DLEC1: variants seen among roughly 807,000 people sequenced by gnomAD.
The protein encoded by DLEC1 is deleted in lung and esophageal cancer protein 1.
In DLEC1, 146 loss-of-function variants were observed where a neutral mutation model predicts 198.1. The observed-to-expected ratio is 0.74, with a 90% CI of 0.64 to 0.85. The LOEUF is 0.85. Ranked by LOEUF, DLEC1 falls within the 40% of genes least tolerant of loss-of-function variation. The pLI is 0.00. For synonymous variants in DLEC1, 897 were observed against 866.8 expected, an observed-to-expected ratio of 1.03 and a Z score of -0.61; for missense variants, 2,233 against 2,220.0, an observed-to-expected ratio of 1.01 and a Z score of -0.12.
At position 38,112,366 on chromosome 3, in the gene DLEC1, G is replaced by A; in HGVS notation, c.3666+5G>A. Reference sequence around the variant, plus strand: ...TGGGACAACCTCATCTGCACGGTAAGGGTACACAAGAGGGCAGTGGCCTGG... The same window carrying A: ...TGGGACAACCTCATCTGCACGGTAAAGGTACACAAGAGGGCAGTGGCCTGG... On this transcript the variant is annotated splice_donor_5th_base_variant and intron_variant, in intron 25 of 36. Transcript: ENST00000308059. This position sits in a 1 kb window ranked among gnomAD's most constrained non-coding sequence, Gnocchi z 4.8. 6.2e-7 allele frequency: 1 copy of A among 1,613,970 alleles called. No homozygotes were observed. Among genetic ancestry groups the A allele is most frequent in the South Asian group, 1.1e-5 (1 of 91,076 alleles).
chr3:38,084,560 A>AGTAGCAGTGATAGTAATAGTAGTGGTG (rs1698319375), intron 7 of DLEC1, among the ~76,000 whole-genome samples: 1 of 1,102 alleles, frequency 9.1e-4, no homozygotes, highest in Admixed American at 8.1e-3. Flanking sequence ...TGGTAGTAGT[A>AGTAGCAGTGATAGTAATAGTAGTGGTG]GTGGTAGTAG....
At position 38,039,614 on chromosome 3, in the gene DLEC1, A is replaced by T. The variant is rs1188253701; in HGVS notation, c.389A>T (p.Glu130Val). 2 of 1,608,464 alleles carry T rather than the reference A, an allele frequency of 1.2e-6. No homozygotes were observed. Among genetic ancestry groups the T allele is most frequent in the Admixed American group, 1.7e-5 (1 of 59,686 alleles). Residue 130 changes from glutamate (E) to valine (V), a missense_variant, in exon 1 of 37, where the codon GAG (glutamate) becomes GTG (valine). Glu to Val is a moderately radical substitution (Grantham distance 121). Transcript: ENST00000308059. ...ARGSENERHE[E>V]FVDQLQQIRE... Reference sequence around the variant, plus strand: ...GGCAGCGAGAATGAGCGCCACGAGGAGTTCGTGGACCAGCTGCAGCAGGTA... The same window carrying T: ...GGCAGCGAGAATGAGCGCCACGAGGTGTTCGTGGACCAGCTGCAGCAGGTA...
At position 38,041,827 on chromosome 3, in the gene DLEC1, G is replaced by A. The variant is rs574338267; in HGVS notation, c.411+2191G>A. The stretch of plus-strand genomic sequence containing the variant: ...TGCACCACTGCACTCCAGCCTGGGC[G>A]ACAGAACGAGACTCCGTTTCAAAAA... On this transcript the variant is annotated intron_variant, in intron 1 of 36. Transcript: ENST00000308059. Among the ~76,000 whole-genome samples, 263 of 122,962 alleles carry A rather than the reference G, an allele frequency of 2.1e-3. 2 individuals carry two copies. The highest frequency in any genetic ancestry group is 0.017 in the Middle Eastern group (2 of 118). The allele number at this position is 122,962 out of a possible 152,430, so 80.7% of individuals were successfully genotyped here.
At chr3:38,083,421 C>T (rs1698167929) in intron 6 of DLEC1, among the ~76,000 whole-genome samples, 1 of 152,034 alleles carries the variant, frequency 6.6e-6, no homozygotes, top group African/African-American at 2.4e-5. Context: ...CAGGATTGGC[C>T]AGGAAAAGGA....
chr3:38,117,898 C>T lies in DLEC1; in HGVS notation c.4578C>T (p.Phe1526=). The T allele has an allele frequency of 6.2e-7, 1 of 1,614,178 alleles. No homozygotes were observed. Among genetic ancestry groups the T allele is most frequent in the Non-Finnish European group, 8.5e-7 (1 of 1,180,022 alleles). The change falls in exon 33 of 37, where the codon TTC becomes TTT. Residue 1526 remains phenylalanine, a synonymous_variant. Coordinates refer to ENST00000308059, the MANE Select transcript of DLEC1 (RefSeq NM_007335.4). ...HYFRLMVSRP[F]SVSQDGASQD... ...TCCGGCTTATGGTCTCCAGGCCCTT[C>T]TCCGTTTCTCAAGATGGGGCGAGCC...
At chr3:38,115,851 C>T (rs530214571) in intron 27 of DLEC1, among the ~76,000 whole-genome samples, 35 of 152,048 alleles carry the variant, frequency 2.3e-4, no homozygotes, top group Middle Eastern at 6.8e-3. Flanking sequence ...GGAGAGAGAG[C>T]AATGGGGAGC....
At chr3:38,083,483 C>T (rs1361985492) in intron 6 of DLEC1, among the ~76,000 whole-genome samples, 1 of 152,294 alleles carries the variant, frequency 6.6e-6, no homozygotes, top group African/African-American at 2.4e-5. Flanking sequence ...ATTTTCACTT[C>T]TTTTGTGGTG....
intron 2 of DLEC1, among the ~76,000 whole-genome samples, chr3:38,054,214 CA>C (rs201106337): frequency 2.3e-4 from 35 of 150,776 alleles, no homozygotes; most frequent in African/African-American, 7.6e-4. Flanking sequence ...AAAAACAAAA[CA>C]AAAAAACAAA....
In DLEC1 at chr3:38,092,819, G is replaced by C. The variant is rs1482478849; in HGVS notation, c.1695G>C (p.Lys565Asn). The stretch of plus-strand genomic sequence containing the variant: ...TGTTTTCCCCAAAGAGCCTAGGAAA[G>C]GCAGAGCAGACCTTCATCATCATGT... ...EVLFSPKSLGKAEQTFIIMCD... is the reference protein window; with the variant it reads ...EVLFSPKSLGNAEQTFIIMCD... The change falls in exon 11 of 37, where the codon AAG (lysine) becomes AAC (asparagine). Residue 565 changes from lysine (K) to asparagine (N), a missense_variant. Transcript: ENST00000308059. 1 of 1,614,172 alleles carries C rather than the reference G, an allele frequency of 6.2e-7. No homozygotes were observed. Among genetic ancestry groups the C allele is most frequent in the Non-Finnish European group, 8.5e-7 (1 of 1,180,030 alleles).
intron 7 of DLEC1, among the ~76,000 whole-genome samples, chr3:38,084,723 G>A (rs919379791): frequency 4.6e-5 from 7 of 151,726 alleles, no homozygotes; most frequent in Non-Finnish European, 8.8e-5. Context: ...CCCCCCATCA[G>A]CAGTCCTTGA....
At chr3:38,095,411 G>A (rs540245708) in intron 13 of DLEC1, 14 of 342,854 alleles carry the variant, frequency 4.1e-5, no homozygotes, top group Middle Eastern at 9.0e-4. Flanking sequence ...GCAGGGACCC[G>A]AGGGCCAGGT....
rs544221883 is a variant in DLEC1 at position 38,122,840 on chromosome 3, G to A, written c.*428G>A. 1 of 798,804 alleles carries A rather than the reference G, an allele frequency of 1.3e-6. No homozygotes were observed. The highest frequency in any genetic ancestry group is 2.7e-5 in the East Asian group (1 of 36,662). 49.5% of individuals were successfully genotyped at this position (798,804 alleles called of 1,614,324 possible). On this transcript the variant is annotated 3_prime_UTR_variant, in exon 37 of 37. Transcript: ENST00000308059. Reference sequence around the variant, plus strand: ...GCTTTTATCTTGCACAGCTAAAGAGGGTCTGATGGGTGGCTCAACACCCCA... The same window carrying A: ...GCTTTTATCTTGCACAGCTAAAGAGAGTCTGATGGGTGGCTCAACACCCCA...
At position 38,115,452 on chromosome 3, in the gene DLEC1, C is replaced by T. The variant is rs112463955; in HGVS notation, c.3856+399C>T. 1.1e-3 allele frequency among the ~76,000 whole-genome samples: 164 copies of T among 152,098 alleles called. 1 individual carries two copies. The highest frequency in any genetic ancestry group is 3.4e-3 in the Middle Eastern group (1 of 294). ...AGGGAAGGCCGGAGTGCTGGGGGAA[C>T]GTGTTGAAGGGCCAGGCTCCCCTGT... On this transcript the variant is annotated intron_variant, in intron 27 of 36. Transcript: ENST00000308059.
At chr3:38,088,171 G>C (rs775378377) in intron 9 of DLEC1, 125 bp from the exon 10 acceptor site, 30 of 798,626 alleles carry the variant, frequency 3.8e-5, no homozygotes, top group Non-Finnish European at 6.0e-5. Context: ...TCATTACCAT[G>C]TGACTGGATG....
At chr3:38,058,005 C>T (rs956963329) in intron 2 of DLEC1, among the ~76,000 whole-genome samples, 23 of 151,864 alleles carry the variant, frequency 1.5e-4, no homozygotes, top group African/African-American at 3.9e-4. Flanking sequence ...TCAGTAGAGA[C>T]GGGGTTTCAC....
intron 6 of DLEC1, among the ~76,000 whole-genome samples, chr3:38,071,114 T>C (rs894003297): frequency 1.3e-5 from 2 of 151,918 alleles, no homozygotes; most frequent in Admixed American, 6.6e-5. Flanking sequence ...TGAAGGGAGA[T>C]CTTGTGGTAA....
At chr3:38,085,555 T>G in intron 8 of DLEC1, 108 bp downstream of exon 8, 1 of 1,388,118 alleles carries the variant, frequency 7.2e-7, no homozygotes, top group Non-Finnish European at 9.8e-7. Flanking sequence ...CTTGGCTCTC[T>G]TGGGCAGGGG....
In DLEC1 at chr3:38,084,046, C is replaced by A. The variant is rs1698211067; in HGVS notation, c.1174-112C>A. On this transcript the variant is annotated intron_variant, in intron 6 of 36. Transcript: ENST00000308059. ...CGACAGTTACCAACATGTGGCCAAG[C>A]CTATTTCATTTCTACCTCTACCCCC... The A allele has an allele frequency of 7.9e-6, 8 of 1,007,334 alleles. No homozygotes were observed. In the East Asian group the frequency reaches 1.4e-4, roughly 17 times the overall value. 62.4% of individuals were successfully genotyped at this position (1,007,334 alleles called of 1,614,324 possible).
chr3:38,081,563 G>A (rs1697997034), intron 6 of DLEC1, among the ~76,000 whole-genome samples: 1 of 106,238 alleles, frequency 9.4e-6, no homozygotes, highest in East Asian at 3.8e-4. Context: ...CGGCTGGCCG[G>A]GCAGGGGGCT....
Sources: allele counts gnomAD v4.1 joint callset (sites outside exome capture counted in the v4.1 genomes callset), GRCh38; gene constraint gnomAD v4.1.1; non-coding constraint Gnocchi (gnomAD v3.1); transcripts MANE v1.5; gene names NCBI Gene and HGNC (gene_info 2026-07-23, HGNC 2026-07-21).